Variants in PELI2 observed in about 807,000 individuals in gnomAD.
PELI2 encodes E3 ubiquitin-protein ligase pellino homolog 2.
In PELI2, 23 loss-of-function variants were observed where a neutral mutation model predicts 42.3. That is an observed-to-expected ratio of 0.54 (90% CI 0.39 to 0.77). PELI2 has a LOEUF of 0.77. Among genes scored for constraint, PELI2 ranks in the 30% least tolerant of loss-of-function variants. PELI2 has a pLI of 0.00. For synonymous variants in PELI2, 245 were observed against 212.2 expected (o/e 1.15, Z -1.34); for missense variants, 463 against 553.2 (o/e 0.84, Z 1.64).
chr14:56,253,333 A>G (rs1888413815), intron 2 of PELI2, among the ~76,000 whole-genome samples: 1 of 152,224 alleles, frequency 6.6e-6, no homozygotes. Flanking sequence ...TCAATATAGT[A>G]TTGGAAGTTC....
At chr14:56,142,359 A>T (rs1883945447) in intron 1 of PELI2, among the ~76,000 whole-genome samples, 1 of 152,126 alleles carries the variant, frequency 6.6e-6, no homozygotes. Context: ...CCCATTTACC[A>T]GTAACTGGGT....
At chr14:56,242,173 G>A (rs1336522312) in intron 2 of PELI2, among the ~76,000 whole-genome samples, 2 of 152,206 alleles carry the variant, frequency 1.3e-5, no homozygotes. Flanking sequence ...GTGTCAGAAG[G>A]TTTGGGGATG....
intron 2 of PELI2, among the ~76,000 whole-genome samples, chr14:56,212,296 T>C (rs1886738976): frequency 6.6e-6 from 1 of 152,230 alleles, no homozygotes; most frequent in Admixed American, 6.5e-5. Flanking sequence ...TTTTCACAGA[T>C]ACTACTGCGC....
intron 2 of PELI2, among the ~76,000 whole-genome samples, chr14:56,184,454 TC>T (rs1283815377): frequency 6.6e-6 from 1 of 152,116 alleles, no homozygotes; most frequent in Non-Finnish European, 1.5e-5. Flanking sequence ...TGGTGACAAA[TC>T]TAAGGAATAC....
chr14:56,247,629 C>T (rs372353507), intron 2 of PELI2, among the ~76,000 whole-genome samples: 2 of 152,174 alleles, frequency 1.3e-5, no homozygotes, highest in Non-Finnish European at 2.9e-5. Flanking sequence ...AACCTACTTT[C>T]GTTAACATCT....
At chr14:56,170,313 A>C (rs528084741) in intron 1 of PELI2, among the ~76,000 whole-genome samples, 78 of 152,340 alleles carry the variant, frequency 5.1e-4, no homozygotes, top group Non-Finnish European at 9.7e-4. Context: ...AGGCTAGTTA[A>C]GATAAACCGT....
chr14:56,126,014 A>G (rs1263657888), intron 1 of PELI2, among the ~76,000 whole-genome samples: 1 of 152,100 alleles, frequency 6.6e-6, no homozygotes, highest in East Asian at 1.9e-4. Flanking sequence ...AATCCTACCA[A>G]CCTTTAGGGC....
chr14:56,234,063 A>G (rs576975135), intron 2 of PELI2, among the ~76,000 whole-genome samples: 1 of 152,236 alleles, frequency 6.6e-6, no homozygotes, highest in Admixed American at 6.5e-5. Context: ...ACCATCTCAC[A>G]CCAGTTAGAA....
At chr14:56,194,817 C>T (rs1338463137) in intron 2 of PELI2, among the ~76,000 whole-genome samples, 1 of 152,110 alleles carries the variant, frequency 6.6e-6, no homozygotes, top group Non-Finnish European at 1.5e-5. Flanking sequence ...TCCACCAGTG[C>T]CCATTCCTCT....
intron 2 of PELI2, among the ~76,000 whole-genome samples, chr14:56,240,382 C>T (rs1247992130): frequency 2.6e-5 from 4 of 151,906 alleles, no homozygotes; most frequent in Non-Finnish European, 4.4e-5. Flanking sequence ...GGATGTGGGG[C>T]TTAAGGAAAG....
At chr14:56,228,870 G>A (rs535883599) in intron 2 of PELI2, among the ~76,000 whole-genome samples, 1 of 152,312 alleles carries the variant, frequency 6.6e-6, no homozygotes, top group East Asian at 1.9e-4. Context: ...CGTCACAGAC[G>A]GTACCTGGAA....
intron 1 of PELI2, chr14:56,119,589 G>A (rs992212803): frequency 6.0e-6 from 1 of 167,840 alleles, no homozygotes; most frequent in South Asian, 2.0e-4. Context: ...GCAGCAATTA[G>A]AGACTTCATC....
rs752996594 is a variant in PELI2, at chr14:56,132,563, G to A, written c.77+13826G>A. Among the ~76,000 whole-genome samples the A allele has an allele frequency of 5.3e-5, 8 of 152,192 alleles. No homozygotes were observed. In the South Asian group the frequency reaches 1.4e-3, roughly 28 times the overall value. ...GATGGCTTGGCCTGCTTATGTTCGT[G>A]TTCTGTTCTTCCCTCCCAGACCCAC... On this transcript the variant is annotated intron_variant, in intron 1 of 5. Transcript: ENST00000267460.
chr14:56,148,372 T>C (rs1286315412), intron 1 of PELI2, among the ~76,000 whole-genome samples: 1 of 152,204 alleles, frequency 6.6e-6, no homozygotes, highest in Non-Finnish European at 1.5e-5. Context: ...ATGTGTGTGT[T>C]GGCTCTAGGA....
intron 2 of PELI2, among the ~76,000 whole-genome samples, chr14:56,272,838 T>A (rs137925234): frequency 6.6e-6 from 1 of 152,328 alleles, no homozygotes; most frequent in Non-Finnish European, 1.5e-5. Flanking sequence ...GAGACACTGC[T>A]GCCTGCCATG....
chr14:56,266,068 A>G (rs1031717060), intron 2 of PELI2, among the ~76,000 whole-genome samples: 2 of 152,050 alleles, frequency 1.3e-5, no homozygotes, highest in Non-Finnish European at 2.9e-5. Flanking sequence ...ATACATGCAT[A>G]TGCTGAAAAC....
In PELI2 at chr14:56,273,777, A is replaced by C. The variant is rs531320406; in HGVS notation, c.208-5899A>C. Among the ~76,000 whole-genome samples the C allele has an allele frequency of 6.6e-6, 1 of 152,330 alleles. No homozygotes were observed. The highest frequency in any genetic ancestry group is 2.1e-4 in the South Asian group (1 of 4,828). On this transcript the variant is annotated intron_variant, in intron 2 of 5. Coordinates refer to ENST00000267460, the MANE Select transcript of PELI2 (RefSeq NM_021255.3). The surrounding 1 kb of genome is among the most constrained non-coding windows in gnomAD (Gnocchi z 4.3). Reference sequence around the variant, plus strand: ...ACTGAAATAGGAAACCCAGAAGGAGAAAATGTTTGAACCAAACCATGTAAT... The same window carrying C: ...ACTGAAATAGGAAACCCAGAAGGAGCAAATGTTTGAACCAAACCATGTAAT...
intron 2 of PELI2, among the ~76,000 whole-genome samples, chr14:56,269,981 G>A (rs1384575784): frequency 2.6e-5 from 4 of 152,140 alleles, no homozygotes; most frequent in African/African-American, 7.2e-5. Flanking sequence ...GTACTTGAGC[G>A]TGACCCCAAA....
chr14:56,123,160 C>G (rs1250928490), intron 1 of PELI2, among the ~76,000 whole-genome samples: 1 of 151,062 alleles, frequency 6.6e-6, no homozygotes, highest in African/African-American at 2.4e-5. Flanking sequence ...GGTATAGTAG[C>G]TTGTAGAGTT....
Sources: gnomAD v4.1 joint callset for allele counts (sites outside exome capture counted in the v4.1 genomes callset) on GRCh38, gnomAD v4.1.1 for gene constraint, Gnocchi (gnomAD v3.1) non-coding constraint, MANE v1.5 for transcripts, NCBI Gene and HGNC (gene_info 2026-07-23, HGNC 2026-07-21) for gene names.